PCDHGA4: variants seen among roughly 807,000 people sequenced by gnomAD.
PCDHGA4 encodes protocadherin gamma-A4.
Under a neutral mutation model 54.6 loss-of-function variants are expected in PCDHGA4, and 38 were observed. The observed-to-expected ratio is 0.70, with a 90% CI of 0.54 to 0.91. The LOEUF is 0.91. PCDHGA4 is among the 40% of genes least tolerant of loss of function. The probability of loss-of-function intolerance (pLI) is 0.00; values close to 1 mark genes in which losing one functional copy is unlikely to be tolerated. For synonymous variants in PCDHGA4, 511 were observed against 512.9 expected, an observed-to-expected ratio of 1.00 and a Z score of 0.05; for missense variants, 1,298 against 1,220.9, an observed-to-expected ratio of 1.06 and a Z score of -0.94.
chr5:141,451,682 G>GA (rs1401536376), intron 1 of PCDHGA4, among the ~76,000 whole-genome samples: 1 of 152,128 alleles, frequency 6.6e-6, no homozygotes, highest in Non-Finnish European at 1.5e-5. Flanking sequence ...AGGAGTTCAA[G>GA]ACCAGCCTGG....
intron 1 of PCDHGA4, chr5:141,366,223 C>A: frequency 1.1e-5 from 17 of 1,613,836 alleles, no homozygotes; most frequent in Non-Finnish European, 1.4e-5. Context: ...CAGCGCGAGC[C>A]CTGCTGGACA....
At position 141,486,691 on chromosome 5, in the gene PCDHGA4, T is replaced by C. The variant is rs778748447; in HGVS notation, c.2515-8116T>C. 8 of 1,614,024 alleles carry C rather than the reference T, an allele frequency of 5.0e-6. No individual in the cohort carries two copies. The highest frequency in any genetic ancestry group is 1.3e-5 in the African/African-American group (1 of 74,922). The stretch of plus-strand genomic sequence containing the variant: ...GGAATCGAGATGTATCAGCTTCCTC[T>C]TTCATCTCTCTGAACCCCCAGACAG... On this transcript the variant is annotated intron_variant, in intron 1 of 3. Coordinates refer to ENST00000571252, the MANE Select transcript of PCDHGA4 (RefSeq NM_018917.4). The surrounding 1 kb of genome is among the most constrained non-coding windows in gnomAD (Gnocchi z 5.0).
rs369352283 is a variant in PCDHGA4 at position 141,374,184 on chromosome 5, C to T, written c.2514+16563C>T. On this transcript the variant is annotated intron_variant, in intron 1 of 3. Coordinates refer to ENST00000571252, the MANE Select transcript of PCDHGA4 (RefSeq NM_018917.4). ...GCCGCGGCAGCGCAGATCCGCTACTCTATTCCCGAGGAGCTGGAGAAAGGC... is the reference window on the plus strand; with the variant it reads ...GCCGCGGCAGCGCAGATCCGCTACTTTATTCCCGAGGAGCTGGAGAAAGGC... The T allele has an allele frequency of 5.0e-6, 8 of 1,613,676 alleles. No homozygotes were observed. In the East Asian group the frequency reaches 1.1e-4, roughly 22 times the overall value.
chr5:141,404,501 C>T, intron 1 of PCDHGA4: 2 of 1,613,792 alleles, frequency 1.2e-6, no homozygotes, highest in Non-Finnish European at 1.7e-6. Context: ...GCTGTATGCT[C>T]TGTGCTCCTT....
In PCDHGA4 at chr5:141,357,217, G is replaced by A; in HGVS notation, c.2110G>A (p.Ala704Thr). Residue 704 changes from alanine to threonine, a missense_variant, in exon 1 of 4, where the codon GCT (alanine) becomes ACT (threonine). Ala to Thr is a moderately conservative substitution (Grantham distance 58). Transcript: ENST00000571252. ...GGCCGACAGCATCCCAGATGTCCTG[G>A]CTGACTTGGGCAGCCTCAAGCCTTC... ...AVADSIPDVLADLGSLKPSAD... is the reference protein window; with the variant it reads ...AVADSIPDVLTDLGSLKPSAD... 1 of 1,613,820 alleles carries A rather than the reference G, an allele frequency of 6.2e-7. No individual in the cohort carries two copies. Among genetic ancestry groups the A allele is most frequent in the Non-Finnish European group, 8.5e-7 (1 of 1,179,862 alleles).
chr5:141,360,819 C>A (rs1761756453), intron 1 of PCDHGA4: 6 of 1,613,870 alleles, frequency 3.7e-6, no homozygotes. Context: ...CGACCCAAAT[C>A]CGAATCAAAG....
At chr5:141,374,951 C>T (rs780549456) in intron 1 of PCDHGA4, 2 of 1,614,018 alleles carry the variant, frequency 1.2e-6, no homozygotes, top group Non-Finnish European at 1.7e-6. Context: ...AAAGATCTCA[C>T]AAATTTTCTG....
intron 1 of PCDHGA4, among the ~76,000 whole-genome samples, chr5:141,494,177 TG>T (rs2099752471): frequency 6.6e-6 from 1 of 152,176 alleles, no homozygotes; most frequent in Non-Finnish European, 1.5e-5. Flanking sequence ...GGGTGAGAAG[TG>T]TCCCGGGACT....
intron 1 of PCDHGA4, 143 bp from the exon 2 acceptor site, chr5:141,494,664 A>T: frequency 6.7e-7 from 1 of 1,500,298 alleles, no homozygotes; most frequent in Non-Finnish European, 8.9e-7. Flanking sequence ...GTCTTTGGAG[A>T]TGAGTCCACC....
At position 141,355,208 on chromosome 5, in the gene PCDHGA4, C is replaced by A; in HGVS notation, c.101C>A (p.Ala34Glu). 6.3e-7 allele frequency: 1 copy of A among 1,598,104 alleles called. No individual in the cohort carries two copies. The highest frequency in any genetic ancestry group is 8.5e-7 in the Non-Finnish European group (1 of 1,170,980). The part of the protein sequence containing the change: ...RRLRGGVVMA[A>E]PPARPDHTRL... ...CTCCGCGGCGGGGTTGTAATGGCGG[C>A]GCCTCCTGCTCGCCCAGACCACACC... The change falls in exon 1 of 4, where the codon GCG becomes GAG. Residue 34 changes from alanine to glutamate, a missense_variant. Coordinates refer to ENST00000571252, the MANE Select transcript of PCDHGA4 (RefSeq NM_018917.4).
intron 1 of PCDHGA4, chr5:141,389,226 C>G: frequency 6.2e-7 from 1 of 1,614,064 alleles, no homozygotes; most frequent in Non-Finnish European, 8.5e-7. Context: ...TGACAACGCT[C>G]CGGTTTTCTC....
chr5:141,506,216 T>A (rs2237080), intron 3 of PCDHGA4, among the ~76,000 whole-genome samples: 78,167 of 151,604 alleles, frequency 0.52, 20,820 homozygotes, highest in African/African-American at 0.63. Flanking sequence ...TTTGGGAAGC[T>A]GAGGCAGGAG....
intron 1 of PCDHGA4, chr5:141,371,904 T>C: frequency 2.5e-6 from 4 of 1,613,398 alleles, no homozygotes; most frequent in Non-Finnish European, 3.4e-6. Flanking sequence ...GCTGTCGTCC[T>C]ACGTGTCCGT....
chr5:141,474,566 G>A (rs2154572064), intron 1 of PCDHGA4, among the ~76,000 whole-genome samples: 1 of 152,336 alleles, frequency 6.6e-6, no homozygotes, highest in Non-Finnish European at 1.5e-5. Flanking sequence ...GGTTTTCAGA[G>A]ATTAATTGAA....
chr5:141,403,875 A>G (rs1311532081), intron 1 of PCDHGA4: 1 of 1,613,816 alleles, frequency 6.2e-7, no homozygotes, highest in South Asian at 1.1e-5. Context: ...AAAAGTCTAG[A>G]TTATGAAGAA....
intron 1 of PCDHGA4, chr5:141,408,896 GT>G: frequency 6.2e-7 from 1 of 1,613,328 alleles, no homozygotes; most frequent in Non-Finnish European, 8.5e-7. Context: ...AGAAATTTCT[GT>G]CAAGGATACC....
At chr5:141,504,135 C>G (rs758903340) in intron 2 of PCDHGA4, among the ~76,000 whole-genome samples, 215 of 152,306 alleles carry the variant, frequency 1.4e-3, no homozygotes, top group Middle Eastern at 3.4e-3. Context: ...CCCGCCAACA[C>G]TCCCCTGCAA....
At chr5:141,443,328 A>C (rs569134076) in intron 1 of PCDHGA4, among the ~76,000 whole-genome samples, 24 of 151,794 alleles carry the variant, frequency 1.6e-4, no homozygotes, top group African/African-American at 4.8e-4. Context: ...AAAAAAAAAA[A>C]ACAAAAATTA....
At chr5:141,376,477 T>C (rs550916604) in intron 1 of PCDHGA4, 1 of 1,614,200 alleles carries the variant, frequency 6.2e-7, no homozygotes, top group African/African-American at 1.3e-5. Context: ...AGGATTTACT[T>C]GAAACGAAAG....
Sources: gnomAD v4.1 joint callset for allele counts (sites outside exome capture counted in the v4.1 genomes callset) on GRCh38, gnomAD v4.1.1 for gene constraint, Gnocchi (gnomAD v3.1) non-coding constraint, MANE v1.5 for transcripts, NCBI Gene and HGNC (gene_info 2026-07-23, HGNC 2026-07-21) for gene names.